Variants in KCMF1 observed in about 807,000 individuals in gnomAD.
The protein encoded by KCMF1 is E3 ubiquitin-protein ligase KCMF1.
KCMF1 carries 3 observed loss-of-function variants against 41.1 expected under a neutral mutation model. That is an observed-to-expected ratio of 0.07 (90% CI 0.03 to 0.19). The LOEUF (loss-of-function observed/expected upper bound fraction) is 0.19, where lower values mean the gene tolerates loss of function less well. Among genes scored for constraint, KCMF1 ranks in the 10% least tolerant of loss-of-function variants. The pLI is 1.00. For missense variants in KCMF1, 286 were observed against 488.9 expected (o/e 0.58, Z 3.91); for synonymous variants, 142 against 164.5 (o/e 0.86, Z 1.04).
chr2:85,019,349 G>GT (rs1325118315), intron 1 of KCMF1, among the ~76,000 whole-genome samples: 4 of 152,182 alleles, frequency 2.6e-5, no homozygotes, highest in African/African-American at 9.7e-5. Flanking sequence ...TCTGTATTGA[G>GT]TGAGAGTCAT....
intron 1 of KCMF1, among the ~76,000 whole-genome samples, chr2:84,986,382 A>C (rs1344827916): frequency 5.9e-5 from 9 of 152,224 alleles, no homozygotes; most frequent in Admixed American, 1.3e-4. Context: ...GGTGGCATTT[A>C]AACTCAAGAC....
chr2:85,046,776 C>T (rs1675676179), intron 5 of KCMF1, among the ~76,000 whole-genome samples: 1 of 152,142 alleles, frequency 6.6e-6, no homozygotes, highest in Non-Finnish European at 1.5e-5. Context: ...GTAATTCATA[C>T]TCTTCTGGCA....
intron 1 of KCMF1, among the ~76,000 whole-genome samples, chr2:85,011,687 C>A (rs1674656108): frequency 6.6e-6 from 1 of 152,110 alleles, no homozygotes; most frequent in Non-Finnish European, 1.5e-5. Context: ...TGACCTCTTC[C>A]CATTTTTTTT....
At position 85,023,317 on chromosome 2, in the gene KCMF1, C is replaced by CTTT. The variant is rs551221633; in HGVS notation, c.17-4557_17-4555dup. Among the ~76,000 whole-genome samples the CTTT allele has an allele frequency of 1.1e-3, 142 of 125,126 alleles. 3 individuals carry two copies. The highest frequency in any genetic ancestry group is 2.6e-3 in the East Asian group (11 of 4,182). 82.1% of individuals were successfully genotyped at this position (125,126 alleles called of 152,430 possible). ...TGTTGAGCCTTTGAATCTGAATAGC[C>CTTT]TTTTTTTTTTTTTTTTTGAGACGGA... On this transcript the variant is annotated intron_variant, in intron 1 of 6. Transcript: ENST00000409785.
At chr2:84,989,348 G>C (rs1673981516) in intron 1 of KCMF1, among the ~76,000 whole-genome samples, 1 of 152,194 alleles carries the variant, frequency 6.6e-6, no homozygotes, top group Non-Finnish European at 1.5e-5. Flanking sequence ...TTGATGGATT[G>C]CCAGGCTTGT....
chr2:85,008,389 G>A (rs369920760), intron 1 of KCMF1, among the ~76,000 whole-genome samples: 11 of 12,994 alleles, frequency 8.5e-4, no homozygotes, highest in Non-Finnish European at 9.2e-4. Flanking sequence ...TATTATATAT[G>A]ATATATATTA....
At chr2:85,051,396 G>A (rs571849622) in intron 6 of KCMF1, among the ~76,000 whole-genome samples, 28 of 148,424 alleles carry the variant, frequency 1.9e-4, no homozygotes, top group African/African-American at 6.6e-4. Flanking sequence ...AGTGCCCTTT[G>A]GAAAAGACAT....
At chr2:84,974,341 C>G (rs1266639705) in intron 1 of KCMF1, among the ~76,000 whole-genome samples, 1 of 152,062 alleles carries the variant, frequency 6.6e-6, no homozygotes, top group Non-Finnish European at 1.5e-5. Context: ...TCTTTGTACC[C>G]ACCCTAATGA....
At chr2:84,997,148 A>G (rs995383767) in intron 1 of KCMF1, among the ~76,000 whole-genome samples, 1 of 152,054 alleles carries the variant, frequency 6.6e-6, no homozygotes, top group Non-Finnish European at 1.5e-5. Context: ...CGTGACAACT[A>G]CTCAGTCATA....
At position 85,058,703 on chromosome 2, in the gene KCMF1, T is replaced by G. The variant is rs1188109787; in HGVS notation, c.*5294T>G. ...CTGTAAGAATTTTCTAAAAGAGCCTTTCTCCCTTACACAATTGAAACGTTT... is the reference window on the plus strand; with the variant it reads ...CTGTAAGAATTTTCTAAAAGAGCCTGTCTCCCTTACACAATTGAAACGTTT... On this transcript the variant is annotated 3_prime_UTR_variant, in exon 7 of 7. Coordinates refer to ENST00000409785, the MANE Select transcript of KCMF1 (RefSeq NM_020122.5). The G allele has an allele frequency of 6.6e-6, 1 of 152,222 alleles. No individual in the cohort carries two copies. Among genetic ancestry groups the G allele is most frequent in the Non-Finnish European group, 1.5e-5 (1 of 68,034 alleles). 9.4% of individuals were successfully genotyped at this position (152,222 alleles called of 1,614,324 possible).
At chr2:85,041,463 A>G (rs752695634) in intron 3 of KCMF1, among the ~76,000 whole-genome samples, 2 of 152,128 alleles carry the variant, frequency 1.3e-5, no homozygotes, top group Non-Finnish European at 2.9e-5. Flanking sequence ...TTTCTCATCT[A>G]CCAACATTTT....
intron 1 of KCMF1, among the ~76,000 whole-genome samples, chr2:85,008,315 A>AT (rs1452018327): frequency 3.9e-5 from 4 of 101,326 alleles, no homozygotes; most frequent in African/African-American, 1.7e-4. Flanking sequence ...AATATGATAT[A>AT]TATATCATAT....
intron 3 of KCMF1, among the ~76,000 whole-genome samples, chr2:85,039,122 AAGTT>A (rs1675467109): frequency 6.6e-6 from 1 of 152,188 alleles, no homozygotes; most frequent in Admixed American, 6.6e-5. Context: ...CTAAAGTGTT[AAGTT>A]AGTTCTGATT....
In KCMF1 at chr2:85,049,594, C is replaced by A. The variant is rs745310640; in HGVS notation, c.830C>A (p.Ala277Asp). ...CAATCCACAGCAACAACCAACATAG[C>A]TAATACAGAAAGCAGTCAGCAGACT... is the stretch of plus-strand genomic sequence containing the variant. Reference protein sequence around the residue: ...ITQSTATTNIANTESSQQTLQ... With the variant: ...ITQSTATTNIDNTESSQQTLQ... Residue 277 changes from alanine (A) to aspartate (D), a missense_variant, in exon 6 of 7, where the codon GCT becomes GAT. Coordinates refer to ENST00000409785, the MANE Select transcript of KCMF1 (RefSeq NM_020122.5). 3 of 1,613,892 alleles carry A rather than the reference C, an allele frequency of 1.9e-6. No homozygotes were observed. In the South Asian group the frequency reaches 3.3e-5, roughly 18 times the overall value.
At chr2:85,043,754 C>A in intron 4 of KCMF1, 89 bp downstream of exon 4, 2 of 893,826 alleles carry the variant, frequency 2.2e-6, no homozygotes, top group South Asian at 2.8e-5. Flanking sequence ...CTCGCTGTGT[C>A]GACCTGGCTG....
At chr2:85,032,958 G>A (rs557319632) in intron 2 of KCMF1, among the ~76,000 whole-genome samples, 94 of 152,268 alleles carry the variant, frequency 6.2e-4, no homozygotes, top group South Asian at 5.6e-3. Context: ...TACTAAATAG[G>A]AGTGGCAAGA....
At chr2:85,042,091 T>A (rs573954954) in intron 3 of KCMF1, among the ~76,000 whole-genome samples, 24 of 152,320 alleles carry the variant, frequency 1.6e-4, no homozygotes, top group South Asian at 1.5e-3. Flanking sequence ...TCTATCTACT[T>A]CTTTTTCTCT....
chr2:85,052,430 C>T (rs1675830650), intron 6 of KCMF1, among the ~76,000 whole-genome samples: 1 of 152,178 alleles, frequency 6.6e-6, no homozygotes, highest in African/African-American at 2.4e-5. Context: ...TGAAGATCCT[C>T]ACAAGCCTTG....
At chr2:85,005,616 G>T (rs190002198) in intron 1 of KCMF1, among the ~76,000 whole-genome samples, 3 of 151,964 alleles carry the variant, frequency 2.0e-5, no homozygotes, top group African/African-American at 4.8e-5. Flanking sequence ...TAATTGACAC[G>T]TGATAATTAT....
Sources: gnomAD v4.1 joint callset for allele counts (sites outside exome capture counted in the v4.1 genomes callset) on GRCh38, gnomAD v4.1.1 for gene constraint, MANE v1.5 for transcripts, NCBI Gene and HGNC (gene_info 2026-07-23, HGNC 2026-07-21) for gene names.